The following CFAP54 variants were observed in gnomAD, a reference collection of about 807,000 sequenced individuals.
CFAP54 encodes cilia and flagella associated protein 54.
Under a neutral mutation model 370.4 loss-of-function variants are expected in CFAP54, and 290 were observed. The ratio of observed to expected loss-of-function variants is 0.78; its 90% CI spans 0.71 to 0.86. CFAP54 has a LOEUF of 0.86. CFAP54 is among the 40% of genes least tolerant of loss of function. The pLI is 0.00. For missense variants in CFAP54, 3,399 were observed against 3,528.7 expected (o/e 0.96, Z 0.93); for synonymous variants, 1,206 against 1,236.5 (o/e 0.98, Z 0.52).
chr12:96,541,362 T>A (rs1050528972), intron 14 of CFAP54, among the ~76,000 whole-genome samples: 4 of 149,674 alleles, frequency 2.7e-5, no homozygotes, highest in African/African-American at 4.9e-5. Context: ...CTCAGCTCAC[T>A]GCAACCTCCA....
intron 36 of CFAP54, among the ~76,000 whole-genome samples, chr12:96,656,863 A>G (rs985537605): frequency 6.6e-6 from 1 of 152,238 alleles, no homozygotes; most frequent in Non-Finnish European, 1.5e-5. Context: ...ATAAAATGTC[A>G]ACTACTTTTT....
rs548056971 is a variant in CFAP54, at chr12:96,566,972, T to C, written c.2619+2207T>C. 2.8e-3 allele frequency among the ~76,000 whole-genome samples: 427 copies of C among 152,326 alleles called. 2 individuals are homozygous for C. Among genetic ancestry groups the C allele is most frequent in the Non-Finnish European group, 4.6e-3 (310 of 68,030 alleles). On this transcript the variant is annotated intron_variant, in intron 19 of 67. Transcript: ENST00000524981. ...GTGGAAACATAGACAAGTAAATATA[T>C]GCTTTAATTGCAAGAGGGCTAGGGA...
At chr12:96,510,068 C>T (rs140712358) in intron 4 of CFAP54, among the ~76,000 whole-genome samples, 90 of 151,790 alleles carry the variant, frequency 5.9e-4, no homozygotes, top group African/African-American at 1.9e-3. Flanking sequence ...GCCTGGCCAA[C>T]GTAGTGAAAC....
chr12:96,554,866 C>T (rs776989149), intron 17 of CFAP54, 64 bp downstream of exon 17: 1 of 1,337,352 alleles, frequency 7.5e-7, no homozygotes, highest in African/African-American at 1.5e-5. Flanking sequence ...AGTACAGAAT[C>T]AATTTAATTT....
chr12:96,643,202 A>G (rs1197875064), intron 32 of CFAP54, among the ~76,000 whole-genome samples: 1 of 152,222 alleles, frequency 6.6e-6, no homozygotes, highest in Non-Finnish European at 1.5e-5. Flanking sequence ...CTAAACAATG[A>G]CAAAAAAACC....
At chr12:96,511,894 A>G (rs1409314622) in intron 4 of CFAP54, among the ~76,000 whole-genome samples, 2 of 152,222 alleles carry the variant, frequency 1.3e-5, no homozygotes, top group Non-Finnish European at 2.9e-5. Flanking sequence ...TGTTACAATT[A>G]CATGCCTTTT....
chr12:96,811,689 C>A, intron 63 of CFAP54, 47 bp from the exon 64 acceptor site: 2 of 984,230 alleles, frequency 2.0e-6, no homozygotes, highest in African/African-American at 1.7e-5. Context: ...TTGAGCTAAA[C>A]TCTAATTTTG....
At chr12:96,531,058 T>C (rs894936379) in intron 9 of CFAP54, among the ~76,000 whole-genome samples, 1 of 152,222 alleles carries the variant, frequency 6.6e-6, no homozygotes, top group Non-Finnish European at 1.5e-5. Flanking sequence ...TTTTATGTTC[T>C]GAATACAAGT....
chr12:96,684,596 A>T lies in CFAP54; in HGVS notation c.5717-52A>T. ...TTAAAAAATTCTTGCAAATATAAAA[A>T]AATATTTTTCTAGGAACTGACATTT... On this transcript the variant is annotated intron_variant, in intron 40 of 67. Coordinates refer to ENST00000524981, the MANE Select transcript of CFAP54 (RefSeq NM_001306084.2). 9 of 1,482,496 alleles carry T rather than the reference A, an allele frequency of 6.1e-6. No individual in the cohort carries two copies. The South Asian group carries it at 9.6e-5, about 16-fold the overall frequency. 91.8% of individuals were successfully genotyped at this position (1,482,496 alleles called of 1,614,324 possible). A position where few individuals can be genotyped will look rare whatever the true frequency, so the allele number is the denominator to read the frequency against.
intron 66 of CFAP54, among the ~76,000 whole-genome samples, chr12:96,832,327 A>G (rs1241722555): frequency 6.6e-6 from 1 of 151,460 alleles, no homozygotes; most frequent in East Asian, 1.9e-4. Context: ...TTATAATAAA[A>G]TATACAATTT....
At chr12:96,664,793 A>ATCTATATC (rs1565934571) in intron 39 of CFAP54, among the ~76,000 whole-genome samples, 1 of 26,180 alleles carries the variant, frequency 3.8e-5, no homozygotes, top group African/African-American at 1.6e-4. Flanking sequence ...ATATATATAT[A>ATCTATATC]TATATATATA....
Position 96,504,026 on chromosome 12 carries a change from T to TA in CFAP54, c.565dup (p.Thr189AsnfsTer20). On this transcript the variant is annotated frameshift_variant, in exon 3 of 68. Transcript: ENST00000524981. LOFTEE classifies it high-confidence loss of function. ...GCTTTAAAGATAAAACTGCTGGACT[T>TA]ACAGTAAGATGAAAGAGCAGCTGAA... 6.6e-7 allele frequency: 1 copy of TA among 1,505,144 alleles called. No individual in the cohort carries two copies. Among genetic ancestry groups the TA allele is most frequent in the Non-Finnish European group, 8.8e-7 (1 of 1,137,068 alleles). 93.2% of individuals were successfully genotyped at this position (1,505,144 alleles called of 1,614,324 possible). A position where few individuals can be genotyped will look rare whatever the true frequency, so the allele number is the denominator to read the frequency against.
chr12:96,765,378 G>A, intron 60 of CFAP54, 160 bp downstream of exon 60: 1 of 467,784 alleles, frequency 2.1e-6, no homozygotes, highest in Non-Finnish European at 3.7e-6. Context: ...CAAAATAGAG[G>A]GCTCTTAGCT....
intron 66 of CFAP54, among the ~76,000 whole-genome samples, chr12:96,857,282 G>C: frequency 6.6e-6 from 1 of 152,060 alleles, no homozygotes; most frequent in African/African-American, 2.4e-5. Flanking sequence ...CTGTTCCTCT[G>C]CCTCCTCCCA....
intron 25 of CFAP54, among the ~76,000 whole-genome samples, chr12:96,596,468 T>C (rs548815471): frequency 4.6e-5 from 7 of 152,040 alleles, no homozygotes; most frequent in Non-Finnish European, 7.4e-5. Context: ...TCCCATTCAG[T>C]GGAAAGAGAA....
At chr12:96,627,210 A>G (rs1956557936) in intron 30 of CFAP54, among the ~76,000 whole-genome samples, 1 of 152,230 alleles carries the variant, frequency 6.6e-6, no homozygotes, top group Non-Finnish European at 1.5e-5. Context: ...GATGGATAAT[A>G]GTATCTCTAG....
chr12:96,500,718 C>A, intron 1 of CFAP54, 116 bp from the exon 2 acceptor site: 1 of 591,044 alleles, frequency 1.7e-6, no homozygotes, highest in Non-Finnish European at 2.9e-6. Context: ...TGGACATTAA[C>A]AATAAGGCAC....
intron 65 of CFAP54, among the ~76,000 whole-genome samples, chr12:96,827,005 A>AT (rs1420817192): frequency 1.5e-4 from 21 of 140,834 alleles, no homozygotes; most frequent in African/African-American, 5.2e-4. Flanking sequence ...ATATATGATT[A>AT]ATTATAATAT....
rs770591678 is a variant in CFAP54, at chr12:96,626,912, C to G, written c.4076C>G (p.Thr1359Arg). Residue 1359 changes from threonine to arginine, a missense_variant, in exon 30 of 68, where the codon ACA (threonine) becomes AGA (arginine). Physicochemically the swap from Thr to Arg is moderately conservative, Grantham distance 71. Coordinates refer to ENST00000524981, the MANE Select transcript of CFAP54 (RefSeq NM_001306084.2). ...EEKFHLMVEV[T>R]TPVHDFLKRR... is the part of the protein sequence containing the mutation. ...AAATTTCATCTTATGGTAGAGGTAACAACTCCTGTCCATGACTTCTTGAAA... is the reference window on the plus strand; with the variant it reads ...AAATTTCATCTTATGGTAGAGGTAAGAACTCCTGTCCATGACTTCTTGAAA... 2 of 1,422,902 alleles carry G rather than the reference C, an allele frequency of 1.4e-6. No homozygotes were observed. The highest frequency in any genetic ancestry group is 1.9e-6 in the Non-Finnish European group (2 of 1,079,466). The allele number at this position is 1,422,902 out of a possible 1,614,324, so 88.1% of individuals were successfully genotyped here. A position where few individuals can be genotyped will look rare whatever the true frequency, so the allele number is the denominator to read the frequency against.
Sources: gnomAD v4.1 joint callset for allele counts (sites outside exome capture counted in the v4.1 genomes callset) on GRCh38, gnomAD v4.1.1 for gene constraint, MANE v1.5 for transcripts, NCBI Gene and HGNC (gene_info 2026-07-23, HGNC 2026-07-21) for gene names.